Variants in KIF18A observed in about 807,000 individuals in gnomAD.
KIF18A encodes kinesin family member 18A.
A neutral mutation model predicts 103.3 loss-of-function variants in KIF18A; 67 were observed. That is an observed-to-expected ratio of 0.65 (90% CI 0.53 to 0.79). The LOEUF is 0.79. KIF18A is among the 30% of genes least tolerant of loss of function. The pLI is 0.00. For synonymous variants in KIF18A, 367 were observed against 355.5 expected, an observed-to-expected ratio of 1.03 and a Z score of -0.36; for missense variants, 1,032 against 1,062.5, an observed-to-expected ratio of 0.97 and a Z score of 0.40.
At chr11:28,079,346 A>AACT (rs386373456) in intron 9 of KIF18A, among the ~76,000 whole-genome samples, 20 of 151,544 alleles carry the variant, frequency 1.3e-4, no homozygotes, top group Non-Finnish European at 1.5e-5. Context: ...AAATAACAAC[A>AACT]ACTAATAATA....
intron 13 of KIF18A, among the ~76,000 whole-genome samples, chr11:28,039,134 G>T (rs2133499401): frequency 6.6e-6 from 1 of 151,682 alleles, no homozygotes; most frequent in East Asian, 1.9e-4. Flanking sequence ...GAAAAAAGCG[G>T]ATATTACCTT....
rs1290037644 is a variant in KIF18A, at chr11:28,020,674, G to A, written c.*526C>T. Reference sequence around the variant, plus strand: ...AGTAGCAAGGGACAATATTTTATTTGTGATGACTAAATAATATTTACAATG... The same window carrying A: ...AGTAGCAAGGGACAATATTTTATTTATGATGACTAAATAATATTTACAATG... On this transcript the variant is annotated 3_prime_UTR_variant, in exon 17 of 17. Coordinates refer to ENST00000263181, the MANE Select transcript of KIF18A (RefSeq NM_031217.4). 1 of 151,926 alleles carries A rather than the reference G, an allele frequency of 6.6e-6. No homozygotes were observed. The highest frequency in any genetic ancestry group is 1.5e-5 in the Non-Finnish European group (1 of 67,970). 9.4% of individuals were successfully genotyped at this position (151,926 alleles called of 1,614,324 possible). A position where few individuals can be genotyped will look rare whatever the true frequency, so the allele number is the denominator to read the frequency against.
chr11:28,057,795 A>T (rs1422115949), intron 13 of KIF18A, among the ~76,000 whole-genome samples: 1 of 152,174 alleles, frequency 6.6e-6, no homozygotes, highest in African/African-American at 2.4e-5. Flanking sequence ...GGTTAATTAA[A>T]TTATGGTACA....
At chr11:28,042,591 A>G (rs1850575208) in intron 13 of KIF18A, among the ~76,000 whole-genome samples, 1 of 151,984 alleles carries the variant, frequency 6.6e-6, no homozygotes, top group African/African-American at 2.4e-5. Flanking sequence ...TATACATATT[A>G]GAATCTTTTC....
At chr11:28,061,308 G>A (rs1216932503) in intron 12 of KIF18A, among the ~76,000 whole-genome samples, 1 of 152,090 alleles carries the variant, frequency 6.6e-6, no homozygotes, top group Non-Finnish European at 1.5e-5. Context: ...GCTCATATAA[G>A]CTAGAATTCA....
chr11:28,023,300 A>G (rs976606800), intron 16 of KIF18A, among the ~76,000 whole-genome samples: 4 of 152,202 alleles, frequency 2.6e-5, no homozygotes, highest in Admixed American at 1.3e-4. Context: ...GTAACTAGAT[A>G]CAGACTGGAA....
chr11:28,049,887 ACTTAT>A (rs150392788), intron 13 of KIF18A, among the ~76,000 whole-genome samples: 2,858 of 151,988 alleles, frequency 0.019, 81 homozygotes, highest in African/African-American at 0.063. Context: ...AGATACGTAA[ACTTAT>A]CTTATAAGAT....
rs180798769 is a variant in KIF18A at position 28,089,598 on chromosome 11, T to C, written c.700-877A>G. Among the ~76,000 whole-genome samples the C allele has an allele frequency of 2.8e-4, 43 of 152,336 alleles. No individual in the cohort carries two copies. The East Asian group carries it at 7.9e-3, about 28-fold the overall frequency. On this transcript the variant is annotated intron_variant, in intron 5 of 16. Transcript: ENST00000263181. ...GATGAGTATGACATCACTAGATGAA[T>C]AGGAACTTTTCAGCTCTGTTGTAAT... is the stretch of plus-strand genomic sequence containing the variant.
chr11:28,046,130 G>C (rs1850629684), intron 13 of KIF18A, among the ~76,000 whole-genome samples: 1 of 151,894 alleles, frequency 6.6e-6, no homozygotes, highest in Non-Finnish European at 1.5e-5. Flanking sequence ...GTGGAAGTCA[G>C]TGTGGCGATT....
intron 13 of KIF18A, among the ~76,000 whole-genome samples, chr11:28,039,075 A>G (rs1039326139): frequency 1.3e-5 from 2 of 151,688 alleles, no homozygotes; most frequent in African/African-American, 4.8e-5. Context: ...CAGCTCACCA[A>G]GTGACCTTGG....
At chr11:28,061,742 T>A (rs1028512460) in intron 12 of KIF18A, among the ~76,000 whole-genome samples, 1 of 152,116 alleles carries the variant, frequency 6.6e-6, no homozygotes, top group Non-Finnish European at 1.5e-5. Flanking sequence ...CATGAATAGA[T>A]TCTTAGAGTA....
At chr11:28,055,508 T>C (rs1406031655) in intron 13 of KIF18A, among the ~76,000 whole-genome samples, 1 of 152,150 alleles carries the variant, frequency 6.6e-6, no homozygotes, top group East Asian at 1.9e-4. Flanking sequence ...TTTGGGGGAA[T>C]AGGGTGCTGG....
intron 15 of KIF18A, among the ~76,000 whole-genome samples, chr11:28,027,450 T>C (rs902823411): frequency 6.6e-6 from 1 of 150,990 alleles, no homozygotes; most frequent in Admixed American, 6.6e-5. Flanking sequence ...TGGTTTAATG[T>C]CTTTTGTTAG....
At chr11:28,077,660 C>G (rs1296767638) in intron 9 of KIF18A, among the ~76,000 whole-genome samples, 1 of 152,094 alleles carries the variant, frequency 6.6e-6, no homozygotes, top group African/African-American at 2.4e-5. Flanking sequence ...GCCTCCATGG[C>G]CCCCTAGGGA....
chr11:28,065,287 T>C (rs573885561), intron 11 of KIF18A, among the ~76,000 whole-genome samples: 1 of 152,208 alleles, frequency 6.6e-6, no homozygotes, highest in South Asian at 2.1e-4. Flanking sequence ...TAAAAAATAA[T>C]GGCTTATAAC....
intron 15 of KIF18A, among the ~76,000 whole-genome samples, chr11:28,027,869 A>G: frequency 6.6e-6 from 1 of 151,998 alleles, no homozygotes; most frequent in Non-Finnish European, 1.5e-5. Flanking sequence ...TTACTCTGAT[A>G]CCAAAACCAG....
At chr11:28,083,463 A>C (rs893283292) in intron 7 of KIF18A, among the ~76,000 whole-genome samples, 2 of 152,142 alleles carry the variant, frequency 1.3e-5, no homozygotes, top group African/African-American at 4.8e-5. Flanking sequence ...GGTATTTATA[A>C]GCATGTAATT....
At chr11:28,053,888 A>T (rs1385036986) in intron 13 of KIF18A, among the ~76,000 whole-genome samples, 1 of 151,638 alleles carries the variant, frequency 6.6e-6, no homozygotes, top group Non-Finnish European at 1.5e-5. Context: ...TAAAGGTAGA[A>T]ATTAAAAATA....
intron 11 of KIF18A, among the ~76,000 whole-genome samples, chr11:28,068,106 T>C (rs1262012856): frequency 6.6e-6 from 1 of 152,022 alleles, no homozygotes; most frequent in Admixed American, 6.6e-5. Flanking sequence ...AAAGAATGAG[T>C]TCACGTCCTT....
Sources: allele counts gnomAD v4.1 joint callset (sites outside exome capture counted in the v4.1 genomes callset), GRCh38; gene constraint gnomAD v4.1.1; transcripts MANE v1.5; gene names NCBI Gene and HGNC (gene_info 2026-07-23, HGNC 2026-07-21).